Variants in SPECC1 observed in about 807,000 individuals in gnomAD.
The protein encoded by SPECC1 is cytospin-B.
In SPECC1, 62 loss-of-function variants were observed where a neutral mutation model predicts 104.1. The observed-to-expected ratio is 0.60, with a 90% CI of 0.49 to 0.74. The LOEUF is 0.74. Ranked by LOEUF, SPECC1 falls within the 30% of genes least tolerant of loss-of-function variation. The pLI is 0.00. For missense variants in SPECC1, 1,306 were observed against 1,310.5 expected (o/e 1.00, Z 0.05); for synonymous variants, 513 against 501.6 (o/e 1.02, Z -0.30).
chr17:20,291,890 G>A (rs941373123), intron 12 of SPECC1, among the ~76,000 whole-genome samples: 18 of 150,566 alleles, frequency 1.2e-4, no homozygotes, highest in African/African-American at 3.7e-4. Flanking sequence ...TTGAGCATTT[G>A]GTTTTCTATT....
At chr17:20,313,587 C>T (rs150320975) in intron 14 of SPECC1, among the ~76,000 whole-genome samples, 278 of 152,268 alleles carry the variant, frequency 1.8e-3, no homozygotes, top group Middle Eastern at 6.8e-3. Flanking sequence ...GCACAGCCCA[C>T]GTAATAGCGC....
chr17:20,067,903 A>G (rs2046414619), intron 1 of SPECC1, among the ~76,000 whole-genome samples: 1 of 151,798 alleles, frequency 6.6e-6, no homozygotes, highest in Non-Finnish European at 1.5e-5. Context: ...CCACTCAAGT[A>G]CTTTCTGTTT....
chr17:20,290,068 TGCCAGGATCTGCATTCAAATACGGCC>T (rs2041110934), intron 12 of SPECC1, among the ~76,000 whole-genome samples: 1 of 152,090 alleles, frequency 6.6e-6, no homozygotes, highest in African/African-American at 2.4e-5. Flanking sequence ...ACTGCTGCAG[TGCCAGGATCTGCATTCAAATACGGCC>T]GAGCCCCCAG....
intron 3 of SPECC1, among the ~76,000 whole-genome samples, chr17:20,194,502 A>ATTAT: frequency 0.12 from 10,511 of 86,394 alleles, 2,135 homozygotes; most frequent in East Asian, 0.53. Flanking sequence ...AAGAGAACGA[A>ATTAT]TTTTTTTTTT....
At chr17:20,140,327 G>C (rs1213144295) in intron 3 of SPECC1, among the ~76,000 whole-genome samples, 1 of 151,938 alleles carries the variant, frequency 6.6e-6, no homozygotes. Context: ...TCCAGTTTTA[G>C]TTTTTTTAAA....
At chr17:20,165,694 C>G (rs2033588777) in intron 3 of SPECC1, among the ~76,000 whole-genome samples, 2 of 152,188 alleles carry the variant, frequency 1.3e-5, no homozygotes, top group South Asian at 4.1e-4. Context: ...TCTCCACAGC[C>G]TCACCAGCGT....
intron 1 of SPECC1, among the ~76,000 whole-genome samples, chr17:20,058,916 C>T (rs1053684319): frequency 4.1e-5 from 6 of 148,092 alleles, no homozygotes; most frequent in Admixed American, 3.4e-4. Context: ...CTCGGCTTAC[C>T]TCAAGCTCTG....
At chr17:20,079,544 CCT>C (rs35296259) in intron 1 of SPECC1, among the ~76,000 whole-genome samples, 43,856 of 151,942 alleles carry the variant, frequency 0.29, 6,855 homozygotes, top group Middle Eastern at 0.43. Flanking sequence ...CCCACCTTGG[CCT>C]CTCAAAGTGC....
At chr17:20,253,428 G>GCACA in intron 9 of SPECC1, 77 bp from the exon 10 acceptor site, 1 of 1,372,470 alleles carries the variant, frequency 7.3e-7, no homozygotes. Flanking sequence ...ACACACGCAT[G>GCACA]CACACACACA....
chr17:20,152,792 T>C (rs915062955), intron 3 of SPECC1, among the ~76,000 whole-genome samples: 4 of 152,102 alleles, frequency 2.6e-5, no homozygotes, highest in Non-Finnish European at 5.9e-5. Context: ...CTGCCTCAGC[T>C]GAGAAGGTGG....
intron 12 of SPECC1, 149 bp from the exon 13 acceptor site, chr17:20,296,812 G>A (rs186967035): frequency 4.7e-6 from 3 of 635,114 alleles, no homozygotes; most frequent in South Asian, 2.1e-5. Context: ...TCGTGAATTC[G>A]GCTCTCTGTC....
intron 8 of SPECC1, among the ~76,000 whole-genome samples, chr17:20,246,845 C>A (rs1047220504): frequency 3.3e-5 from 5 of 152,114 alleles, no homozygotes; most frequent in Non-Finnish European, 5.9e-5. Flanking sequence ...ATTGTTTGCA[C>A]CTAAATTAGA....
At chr17:20,047,666 C>T (rs1597612299) in intron 1 of SPECC1, among the ~76,000 whole-genome samples, 1 of 151,832 alleles carries the variant, frequency 6.6e-6, no homozygotes, top group African/African-American at 2.4e-5. Context: ...GGCGTGATCT[C>T]GGCTCACTGC....
chr17:20,179,994 T>C (rs1454592472), intron 3 of SPECC1, among the ~76,000 whole-genome samples: 3 of 152,136 alleles, frequency 2.0e-5, no homozygotes, highest in African/African-American at 4.8e-5. Flanking sequence ...GATATAAAAT[T>C]CCTCTAAAAA....
intron 13 of SPECC1, among the ~76,000 whole-genome samples, chr17:20,305,324 A>G (rs369817587): frequency 6.6e-6 from 1 of 152,202 alleles, no homozygotes; most frequent in East Asian, 1.9e-4. Context: ...AAGTAGAGTC[A>G]GGAAGTGTTG....
intron 12 of SPECC1, among the ~76,000 whole-genome samples, chr17:20,286,915 C>T (rs1050604616): frequency 6.6e-6 from 1 of 152,204 alleles, no homozygotes; most frequent in Non-Finnish European, 1.5e-5. Flanking sequence ...ACGAACTGGC[C>T]CCCAGGGCCC....
chr17:20,031,610 CTT>C (rs1335546045), intron 1 of SPECC1, among the ~76,000 whole-genome samples: 2 of 152,262 alleles, frequency 1.3e-5, no homozygotes, highest in East Asian at 1.9e-4. Context: ...CTCCAGAACT[CTT>C]TTTATCTTGC....
intron 1 of SPECC1, among the ~76,000 whole-genome samples, chr17:20,027,066 G>T (rs1006861534): frequency 5.3e-5 from 8 of 151,924 alleles, no homozygotes; most frequent in African/African-American, 1.7e-4. Context: ...ATACTTGTTG[G>T]CTATTTTATA....
chr17:20,281,393 C>G (rs939900650), intron 12 of SPECC1, among the ~76,000 whole-genome samples: 1 of 152,202 alleles, frequency 6.6e-6, no homozygotes, highest in Non-Finnish European at 1.5e-5. Flanking sequence ...CATCCTGCCT[C>G]CTGCACACCC....
Sources: gnomAD v4.1 joint callset for allele counts (sites outside exome capture counted in the v4.1 genomes callset) on GRCh38, gnomAD v4.1.1 for gene constraint, MANE v1.5 for transcripts, NCBI Gene and HGNC (gene_info 2026-07-23, HGNC 2026-07-21) for gene names.